The following SUMF1 variants were observed in gnomAD, a reference collection of about 807,000 sequenced individuals.
SUMF1 encodes sulfatase modifying factor 1.
In SUMF1, 48 loss-of-function variants were observed where a neutral mutation model predicts 47.6. That is an observed-to-expected ratio of 1.01 (90% CI 0.80 to 1.28). SUMF1 has a LOEUF of 1.28. Ranked by LOEUF, SUMF1 falls within the 50% of genes most tolerant of loss-of-function variation. The pLI is 0.00. For synonymous variants in SUMF1, 230 were observed against 192.1 expected (o/e 1.20, Z -1.63); for missense variants, 571 against 485.4 (o/e 1.18, Z -1.66).
At chr3:4,443,001 C>A (rs556264067) in intron 3 of SUMF1, among the ~76,000 whole-genome samples, 1 of 151,684 alleles carries the variant, frequency 6.6e-6, no homozygotes, top group South Asian at 2.1e-4. Context: ...GTAGGCCGGG[C>A]ATGGTGGCTC....
intron 8 of SUMF1, among the ~76,000 whole-genome samples, chr3:4,220,750 G>A (rs1202675042): frequency 6.6e-6 from 1 of 152,086 alleles, no homozygotes; most frequent in Non-Finnish European, 1.5e-5. Flanking sequence ...CTGGGGCTCA[G>A]TTTCTTCATC....
chr3:4,339,500 T>C (rs1318905361), intron 8 of SUMF1, among the ~76,000 whole-genome samples: 2 of 152,130 alleles, frequency 1.3e-5, no homozygotes, highest in African/African-American at 4.8e-5. Flanking sequence ...AGGCAGCTTT[T>C]TAGGGTGGCT....
At chr3:4,247,395 A>G (rs970485647) in intron 8 of SUMF1, among the ~76,000 whole-genome samples, 57 of 152,216 alleles carry the variant, frequency 3.7e-4, no homozygotes, top group Admixed American at 1.3e-4. Flanking sequence ...ATTACCAATA[A>G]ACATTTCTAT....
chr3:4,221,703 C>A (rs1696067839), intron 8 of SUMF1, among the ~76,000 whole-genome samples: 1 of 152,048 alleles, frequency 6.6e-6, no homozygotes, highest in Non-Finnish European at 1.5e-5. Flanking sequence ...GTGAATGGGA[C>A]AGACACAGTC....
intron 8 of SUMF1, among the ~76,000 whole-genome samples, chr3:4,351,050 C>A (rs1444892235): frequency 6.6e-6 from 1 of 152,174 alleles, no homozygotes; most frequent in Non-Finnish European, 1.5e-5. Flanking sequence ...ACCATACCCA[C>A]AGACGGAGGT....
In SUMF1 at chr3:4,207,064, T is replaced by C. The variant is rs113172017; in HGVS notation, c.1015-138319A>G. On this transcript the variant is annotated intron_variant and NMD_transcript_variant, in intron 8 of 12. Transcript: ENST00000448413. ...TATAGTTTTTATTATATAGTTCTTGTACTTTAAAAAATTTATTCCCATATA... is the reference window on the plus strand; with the variant it reads ...TATAGTTTTTATTATATAGTTCTTGCACTTTAAAAAATTTATTCCCATATA... Among the ~76,000 whole-genome samples, 1,022 of 152,208 alleles carry C rather than the reference T, an allele frequency of 6.7e-3. 11 individuals carry two copies. The highest frequency in any genetic ancestry group is 0.024 in the African/African-American group (978 of 41,558).
intron 8 of SUMF1, among the ~76,000 whole-genome samples, chr3:4,240,497 C>T (rs1229717853): frequency 7.9e-6 from 1 of 126,728 alleles, no homozygotes; most frequent in Non-Finnish European, 1.6e-5. Context: ...ATTTTGTTTT[C>T]AATTGCATGC....
intron 4 of SUMF1, 129 bp from the exon 5 acceptor site, chr3:4,418,261 T>A (rs1204365870): frequency 1.7e-5 from 24 of 1,372,624 alleles, no homozygotes; most frequent in Non-Finnish European, 2.3e-5. Context: ...GGTCCTTAAG[T>A]CAAACCCCAG....
intron 8 of SUMF1, among the ~76,000 whole-genome samples, chr3:4,282,146 G>T (rs564577259): frequency 6.6e-6 from 1 of 152,212 alleles, no homozygotes; most frequent in African/African-American, 2.4e-5. Context: ...GTTAAATCCA[G>T]TAACAATGTA....
At chr3:4,135,744 A>G (rs1693910569) in intron 8 of SUMF1, among the ~76,000 whole-genome samples, 2 of 152,198 alleles carry the variant, frequency 1.3e-5, no homozygotes, top group Non-Finnish European at 1.5e-5. Context: ...TCAGCCCAAA[A>G]TCTCCTTCAG....
chr3:4,264,007 A>G (rs532001265), intron 8 of SUMF1, among the ~76,000 whole-genome samples: 8 of 152,324 alleles, frequency 5.3e-5, no homozygotes, highest in African/African-American at 1.7e-4. Context: ...TATTACGCAC[A>G]TAACATTTTC....
At chr3:4,238,595 T>C (rs1008938371) in intron 8 of SUMF1, among the ~76,000 whole-genome samples, 1 of 152,234 alleles carries the variant, frequency 6.6e-6, no homozygotes, top group Non-Finnish European at 1.5e-5. Context: ...TCTGTTCATA[T>C]CCTTCACCTA....
intron 9 of SUMF1, among the ~76,000 whole-genome samples, chr3:4,039,626 T>A (rs1305299373): frequency 6.7e-6 from 1 of 148,174 alleles, no homozygotes; most frequent in East Asian, 1.9e-4. Flanking sequence ...CTATCATTGT[T>A]GGACATTTGG....
At chr3:4,433,985 A>G (rs1052240816) in intron 3 of SUMF1, among the ~76,000 whole-genome samples, 1 of 152,250 alleles carries the variant, frequency 6.6e-6, no homozygotes, top group African/African-American at 2.4e-5. Flanking sequence ...TCTGATACAT[A>G]CTACAACATG....
chr3:4,244,553 T>C (rs924834101), intron 8 of SUMF1, among the ~76,000 whole-genome samples: 2 of 152,188 alleles, frequency 1.3e-5, no homozygotes, highest in African/African-American at 4.8e-5. Context: ...GGGTTGAAAA[T>C]TCTTTTCTTT....
At chr3:4,177,831 A>C (rs1412781055) in intron 8 of SUMF1, among the ~76,000 whole-genome samples, 1 of 152,122 alleles carries the variant, frequency 6.6e-6, no homozygotes, top group African/African-American at 2.4e-5. Flanking sequence ...AGAATCAAAT[A>C]GATGAAATAA....
intron 9 of SUMF1, among the ~76,000 whole-genome samples, chr3:4,062,700 T>C (rs1329106129): frequency 6.6e-6 from 1 of 152,176 alleles, no homozygotes; most frequent in East Asian, 1.9e-4. Flanking sequence ...ATATTAGCCA[T>C]GTAGGTCATG....
chr3:4,357,576 CTTTT>C (rs1190735812), downstream of SUMF1, among the ~76,000 whole-genome samples: 1 of 117,960 alleles, frequency 8.5e-6, no homozygotes, highest in Non-Finnish European at 1.8e-5. Flanking sequence ...CCCCAACCAA[CTTTT>C]ATTTATTTAT....
intron 8 of SUMF1, among the ~76,000 whole-genome samples, chr3:4,290,623 A>G (rs909860383): frequency 6.6e-6 from 1 of 152,154 alleles, no homozygotes; most frequent in African/African-American, 2.4e-5. Flanking sequence ...TCCTCAAAAT[A>G]CAGTTTAAAT....
Sources: allele counts gnomAD v4.1 joint callset (sites outside exome capture counted in the v4.1 genomes callset), GRCh38; gene constraint gnomAD v4.1.1; transcripts MANE v1.5; gene names NCBI Gene and HGNC (gene_info 2026-07-23, HGNC 2026-07-21).